Variants in PCLO observed in about 807,000 individuals in gnomAD.
PCLO encodes piccolo presynaptic cytomatrix protein, also known as protein piccolo.
Under a neutral mutation model 427.5 loss-of-function variants are expected in PCLO, and 82 were observed. That is an observed-to-expected ratio of 0.19 (90% confidence interval 0.16 to 0.23). The LOEUF is 0.23. PCLO is among the 10% of genes least tolerant of loss of function. The probability of loss-of-function intolerance (pLI) is 1.00; values close to 1 mark genes in which losing one functional copy is unlikely to be tolerated. For synonymous variants in PCLO, 2,357 were observed against 2,155.4 expected (o/e 1.09, Z -2.59); for missense variants, 6,239 against 6,115.9 (o/e 1.02, Z -0.67).
chr7:83,143,642 CAAA>C (rs36020139), intron 2 of PCLO, among the ~76,000 whole-genome samples: 23 of 103,282 alleles, frequency 2.2e-4, no homozygotes, highest in Middle Eastern at 5.8e-3. Flanking sequence ...CAGGATTGCC[CAAA>C]AAAAAAAAAA....
intron 3 of PCLO, among the ~76,000 whole-genome samples, chr7:83,022,426 G>C (rs548196637): frequency 6.6e-6 from 1 of 152,154 alleles, no homozygotes; most frequent in East Asian, 1.9e-4. Flanking sequence ...AGCAAAGGTA[G>C]CTGGAAAATG....
chr7:83,058,170 C>T (rs1789449315), intron 3 of PCLO, among the ~76,000 whole-genome samples: 1 of 152,100 alleles, frequency 6.6e-6, no homozygotes, highest in Non-Finnish European at 1.5e-5. Flanking sequence ...TATTTCAGTT[C>T]ATTATTTGGA....
intron 3 of PCLO, among the ~76,000 whole-genome samples, chr7:83,104,143 C>G (rs1395703743): frequency 7.1e-6 from 1 of 141,678 alleles, no homozygotes; most frequent in African/African-American, 2.6e-5. Context: ...CTTAATTTAC[C>G]TGTAAATATT....
At chr7:82,977,901 A>C (rs1348395528) in intron 3 of PCLO, among the ~76,000 whole-genome samples, 2 of 152,096 alleles carry the variant, frequency 1.3e-5, no homozygotes, top group African/African-American at 4.8e-5. Context: ...TTATGACACT[A>C]AGGGGCTTAT....
chr7:83,022,328 A>C (rs1048653722), intron 3 of PCLO, among the ~76,000 whole-genome samples: 1 of 152,242 alleles, frequency 6.6e-6, no homozygotes, highest in African/African-American at 2.4e-5. Flanking sequence ...GTATTTTATT[A>C]GAGCAGCCTG....
intron 3 of PCLO, among the ~76,000 whole-genome samples, chr7:82,979,440 A>C (rs1248917344): frequency 6.6e-6 from 1 of 152,198 alleles, no homozygotes; most frequent in Non-Finnish European, 1.5e-5. Flanking sequence ...ATACATCAAA[A>C]TGTAAATTCA....
chr7:82,765,011 A>T (rs1370837058), intron 22 of PCLO, among the ~76,000 whole-genome samples: 2 of 151,912 alleles, frequency 1.3e-5, no homozygotes, highest in Non-Finnish European at 2.9e-5. Flanking sequence ...TCAAAAACTG[A>T]TCATATATTG....
At chr7:82,872,425 T>C (rs934797556) in intron 10 of PCLO, among the ~76,000 whole-genome samples, 2 of 151,826 alleles carry the variant, frequency 1.3e-5, no homozygotes, top group African/African-American at 4.8e-5. Flanking sequence ...ACAACAGAGT[T>C]GATAAAAGGA....
intron 3 of PCLO, among the ~76,000 whole-genome samples, chr7:83,097,628 T>C (rs1790626855): frequency 8.8e-6 from 1 of 113,604 alleles, no homozygotes; most frequent in South Asian, 2.6e-4. Flanking sequence ...TATCATGCTT[T>C]ATAAACTTAA....
chr7:82,848,215 A>C (rs1792553724), intron 10 of PCLO, among the ~76,000 whole-genome samples: 1 of 151,880 alleles, frequency 6.6e-6, no homozygotes, highest in Non-Finnish European at 1.5e-5. Flanking sequence ...GAACCCATCC[A>C]AGATAGTGCT....
chr7:83,050,206 C>T (rs1789200178), intron 3 of PCLO, among the ~76,000 whole-genome samples: 1 of 2,154 alleles, frequency 4.6e-4, no homozygotes, highest in Non-Finnish European at 8.3e-4. Context: ...ATCTGAAAAA[C>T]TGAAAAAAAA....
At chr7:82,893,290 A>G (rs1284825333) in intron 9 of PCLO, among the ~76,000 whole-genome samples, 1 of 152,030 alleles carries the variant, frequency 6.6e-6, no homozygotes, top group African/African-American at 2.4e-5. Flanking sequence ...GGATGAAGCT[A>G]GAAACCATCA....
intron 1 of PCLO, 110 bp downstream of exon 1, chr7:83,162,235 T>C (rs1374999861): frequency 2.3e-6 from 3 of 1,300,188 alleles, no homozygotes; most frequent in Non-Finnish European, 3.1e-6. Flanking sequence ...GAGAATAAAA[T>C]GAACGGAGGC....
chr7:82,800,007 T>A (rs1427348497), intron 22 of PCLO, among the ~76,000 whole-genome samples: 1 of 151,842 alleles, frequency 6.6e-6, no homozygotes, highest in African/African-American at 2.4e-5. Context: ...ATTCCAGGAG[T>A]TTGGGCAGCA....
intron 2 of PCLO, among the ~76,000 whole-genome samples, chr7:83,150,754 T>C (rs1792108368): frequency 6.6e-6 from 1 of 152,178 alleles, no homozygotes; most frequent in Admixed American, 6.5e-5. Context: ...ATGTTAAGTG[T>C]ATCTATTTCA....
chr7:82,846,603 A>C lies in PCLO; in HGVS notation c.13795T>G (p.Ser4599Ala), dbSNP rs750373133. The change falls in exon 12 of 25, where the codon TCC becomes GCC. Residue 4599 changes from serine to alanine, a missense_variant. This residue lies in a region of PCLO where 877 missense variants were observed against 925.5 expected (regional missense o/e 0.95). Coordinates refer to ENST00000333891, the MANE Select transcript of PCLO (RefSeq NM_033026.6). ...GGCTCATGAAGTTCCAGATGCTGGG[A>C]ATTTTCAGAATCTGATAGCATATTG... ...DLNMLSDSEN[S>A]QHLELHEPPK... 2.5e-5 allele frequency: 41 copies of C among 1,608,652 alleles called. No individual in the cohort carries two copies. Among genetic ancestry groups the C allele is most frequent in the Non-Finnish European group, 3.2e-5 (38 of 1,177,128 alleles).
intron 1 of PCLO, among the ~76,000 whole-genome samples, chr7:83,157,385 TTAGTGTTTGCTACAC>T (rs1424939545): frequency 6.6e-6 from 1 of 152,086 alleles, no homozygotes; most frequent in African/African-American, 2.4e-5. Flanking sequence ...TATATCTTAC[TTAGTGTTTGCTACAC>T]TATCTCTTAA....
chr7:83,135,629 G>T lies in PCLO; in HGVS notation c.1921C>A (p.Gln641Lys). 1 of 1,606,658 alleles carries T rather than the reference G, an allele frequency of 6.2e-7. No homozygotes were observed. The highest frequency in any genetic ancestry group is 8.5e-7 in the Non-Finnish European group (1 of 1,176,146). Residue 641 changes from glutamine to lysine, a missense_variant, in exon 3 of 25, where the codon CAA becomes AAA. Gln to Lys is a moderately conservative substitution (Grantham distance 53). Around this residue, in one of 5 missense-constraint regions of PCLO, gnomAD observed 4,677 missense variants for 4,468.4 expected, o/e 1.05. Coordinates refer to ENST00000333891, the MANE Select transcript of PCLO (RefSeq NM_033026.6). ...EVKEWLCLNC[Q>K]MKRALGGDLA... ...TCCCCGCCTAGAGCTCTTTTCATTT[G>T]ACAGTTCAAACAGAGCCACTCTTTT...
At chr7:83,009,338 T>TTAAC (rs1398054415) in intron 3 of PCLO, among the ~76,000 whole-genome samples, 2 of 151,864 alleles carry the variant, frequency 1.3e-5, no homozygotes, top group Non-Finnish European at 2.9e-5. Flanking sequence ...TACTGTGAAA[T>TTAAC]TAACACTAGA....
Sources: allele counts gnomAD v4.1 joint callset (sites outside exome capture counted in the v4.1 genomes callset), GRCh38; gene constraint gnomAD v4.1.1; regional missense constraint gnomAD v4.1.1; transcripts MANE v1.5; gene names NCBI Gene and HGNC (gene_info 2026-07-23, HGNC 2026-07-21).